PRMT3: variants seen among roughly 807,000 people sequenced by gnomAD.
PRMT3 encodes the protein protein arginine methyltransferase 3, also known as protein arginine N-methyltransferase 3.
Under a neutral mutation model 71.9 loss-of-function variants are expected in PRMT3, and 62 were observed. The ratio of observed to expected loss-of-function variants is 0.86; its 90% CI spans 0.70 to 1.07. The LOEUF (loss-of-function observed/expected upper bound fraction) is 1.07, where lower values mean the gene tolerates loss of function less well. PRMT3 is among the 50% of genes least tolerant of loss of function. The pLI is 0.00. For synonymous variants in PRMT3, 213 were observed against 220.4 expected, an observed-to-expected ratio of 0.97 and a Z score of 0.30; for missense variants, 663 against 643.0, an observed-to-expected ratio of 1.03 and a Z score of -0.34.
intron 13 of PRMT3, 120 bp downstream of exon 13, chr11:20,464,666 C>G: frequency 6.9e-7 from 1 of 1,450,184 alleles, no homozygotes; most frequent in South Asian, 1.4e-5. Flanking sequence ...GACAGTCTAC[C>G]ATTGCCTTTG....
At chr11:20,501,353 T>C (rs903281787) in intron 15 of PRMT3, among the ~76,000 whole-genome samples, 1 of 152,148 alleles carries the variant, frequency 6.6e-6, no homozygotes, top group African/African-American at 2.4e-5. Flanking sequence ...TATATTGTCA[T>C]TGAAATCCAA....
intron 9 of PRMT3, among the ~76,000 whole-genome samples, chr11:20,421,263 C>G (rs1849419284): frequency 6.6e-6 from 1 of 152,150 alleles, no homozygotes; most frequent in Non-Finnish European, 1.5e-5. Context: ...GTCTTGAACT[C>G]TTGGGCTCAA....
chr11:20,422,934 T>G (rs531742176), intron 9 of PRMT3, among the ~76,000 whole-genome samples: 1 of 152,206 alleles, frequency 6.6e-6, no homozygotes, highest in Non-Finnish European at 1.5e-5. Flanking sequence ...TGATAACCCA[T>G]CCACCCCATT....
intron 13 of PRMT3, among the ~76,000 whole-genome samples, chr11:20,491,016 G>T (rs1851193470): frequency 1.3e-5 from 2 of 151,836 alleles, no homozygotes; most frequent in Admixed American, 1.3e-4. Flanking sequence ...TAGATCTATA[G>T]GTCTCCAAGG....
chr11:20,455,651 G>C (rs1156301668), intron 11 of PRMT3, among the ~76,000 whole-genome samples: 1 of 151,566 alleles, frequency 6.6e-6, no homozygotes, highest in Non-Finnish European at 1.5e-5. Context: ...AAAATAGAAG[G>C]GTGCAGGATG....
chr11:20,503,428 A>G (rs1055654181), intron 15 of PRMT3, among the ~76,000 whole-genome samples: 17 of 152,164 alleles, frequency 1.1e-4, no homozygotes, highest in African/African-American at 4.1e-4. Flanking sequence ...TTGAGTTTTG[A>G]AAATTACATA....
chr11:20,488,866 TA>T (rs1012860561), intron 13 of PRMT3, among the ~76,000 whole-genome samples: 1 of 152,180 alleles, frequency 6.6e-6, no homozygotes, highest in African/African-American at 2.4e-5. Flanking sequence ...TTTATACATA[TA>T]AACAAAACAT....
chr11:20,459,308 A>G (rs1850332304), intron 11 of PRMT3, among the ~76,000 whole-genome samples: 1 of 152,196 alleles, frequency 6.6e-6, no homozygotes, highest in South Asian at 2.1e-4. Context: ...TGTGTACTGC[A>G]CAACTCCAGA....
intron 12 of PRMT3, 67 bp downstream of exon 12, chr11:20,462,234 A>G: frequency 7.8e-7 from 1 of 1,279,148 alleles, no homozygotes; most frequent in Non-Finnish European, 1.1e-6. Flanking sequence ...GCATTTGAAA[A>G]TAATATATTG....
Position 20,492,688 on chromosome 11 carries a change from A to G in PRMT3, c.1348-1231A>G, listed in dbSNP as rs576621728. On this transcript the variant is annotated intron_variant, in intron 13 of 15. Coordinates refer to ENST00000331079, the MANE Select transcript of PRMT3 (RefSeq NM_005788.4). ...AAGTCCAGCTAGTTCCAATAGTGAA[A>G]GAAAATGGAATGGTATTTAAATTTA... Among the ~76,000 whole-genome samples the G allele has an allele frequency of 2.8e-3, 427 of 152,350 alleles. 3 individuals carry two copies. Among genetic ancestry groups the G allele is most frequent in the Middle Eastern group, 0.017 (5 of 294 alleles).
intron 9 of PRMT3, among the ~76,000 whole-genome samples, chr11:20,423,912 C>T (rs61485412): frequency 0.16 from 21,452 of 134,934 alleles, 1,789 homozygotes; most frequent in South Asian, 0.29. Flanking sequence ...AGGCCAGGCG[C>T]GGTGGCTGAC....
intron 10 of PRMT3, among the ~76,000 whole-genome samples, chr11:20,443,518 A>C (rs1020495974): frequency 7.2e-5 from 11 of 152,340 alleles, no homozygotes; most frequent in South Asian, 2.1e-4. Flanking sequence ...ATGCACAATT[A>C]TGAAGTATTG....
chr11:20,400,622 T>A (rs575220698), intron 7 of PRMT3, among the ~76,000 whole-genome samples: 3 of 152,304 alleles, frequency 2.0e-5, no homozygotes, highest in African/African-American at 7.2e-5. Context: ...TCTGCACCTG[T>A]CTCATGCACT....
At chr11:20,395,029 A>T (rs182513781) in intron 5 of PRMT3, among the ~76,000 whole-genome samples, 1 of 152,278 alleles carries the variant, frequency 6.6e-6, no homozygotes, top group Admixed American at 6.5e-5. Context: ...TCCTCCATAA[A>T]CAGATATATA....
chr11:20,507,561 C>G (rs1437710557), intron 15 of PRMT3, among the ~76,000 whole-genome samples: 1 of 151,896 alleles, frequency 6.6e-6, no homozygotes, highest in African/African-American at 2.4e-5. Flanking sequence ...GAGCGCATCA[C>G]CTGAGGTCAG....
chr11:20,428,863 T>C (rs902927250), intron 10 of PRMT3, among the ~76,000 whole-genome samples: 30 of 152,194 alleles, frequency 2.0e-4, no homozygotes, highest in African/African-American at 6.8e-4. Context: ...GCAAAAGCTA[T>C]TTCTTTTGTG....
At chr11:20,443,188 A>G (rs1849947935) in intron 10 of PRMT3, among the ~76,000 whole-genome samples, 4 of 152,200 alleles carry the variant, frequency 2.6e-5, no homozygotes, top group African/African-American at 9.6e-5. Flanking sequence ...CAGGCATTGT[A>G]AATCAGGGTT....
chr11:20,399,728 A>T (rs1444173525), intron 7 of PRMT3, among the ~76,000 whole-genome samples: 1 of 152,190 alleles, frequency 6.6e-6, no homozygotes, highest in Admixed American at 6.5e-5. Context: ...AGGGAAATTC[A>T]GTTTGAGTAC....
chr11:20,405,813 A>C (rs1489609098), intron 8 of PRMT3: 2 of 152,216 alleles, frequency 1.3e-5, no homozygotes, highest in Non-Finnish European at 2.9e-5. Context: ...GTAAATAAAC[A>C]TGATACAAAA....
Sources: gnomAD v4.1 joint callset for allele counts (sites outside exome capture counted in the v4.1 genomes callset) on GRCh38, gnomAD v4.1.1 for gene constraint, MANE v1.5 for transcripts, NCBI Gene and HGNC (gene_info 2026-07-23, HGNC 2026-07-21) for gene names.